Variants in ROBO2 observed in about 807,000 individuals in gnomAD.
ROBO2 encodes roundabout guidance receptor 2.
A neutral mutation model predicts 160.8 loss-of-function variants in ROBO2; 53 were observed. The ratio of observed to expected loss-of-function variants is 0.33; its 90% CI spans 0.26 to 0.41. ROBO2 has a LOEUF of 0.41. ROBO2 is among the 10% of genes least tolerant of loss of function. The probability of loss-of-function intolerance (pLI) is 1.00; values close to 1 mark genes in which losing one functional copy is unlikely to be tolerated. For missense variants in ROBO2, 1,577 were observed against 1,722.4 expected (o/e 0.92, Z 1.49); for synonymous variants, 664 against 611.7 (o/e 1.09, Z -1.26).
intron 2 of ROBO2, among the ~76,000 whole-genome samples, chr3:77,230,246 C>A (rs2151278608): frequency 6.6e-6 from 1 of 152,172 alleles, no homozygotes; most frequent in Admixed American, 6.6e-5. Flanking sequence ...CACCACCTGG[C>A]TAATTTTGTT....
At chr3:76,951,504 A>G (rs1317256186) in intron 2 of ROBO2, among the ~76,000 whole-genome samples, 1 of 152,228 alleles carries the variant, frequency 6.6e-6, no homozygotes, top group African/African-American at 2.4e-5. Flanking sequence ...GTGAACTCAA[A>G]GTTATGGTGT....
chr3:76,790,961 T>C (rs2063317086), intron 2 of ROBO2, among the ~76,000 whole-genome samples: 1 of 151,764 alleles, frequency 6.6e-6, no homozygotes, highest in Non-Finnish European at 1.5e-5. Flanking sequence ...AGCTTCTACA[T>C]AATAAAGTTG....
intron 2 of ROBO2, among the ~76,000 whole-genome samples, chr3:76,993,848 T>A (rs1330713618): frequency 6.6e-6 from 1 of 151,764 alleles, no homozygotes; most frequent in East Asian, 1.9e-4. Flanking sequence ...TCTATACCCA[T>A]GTAGTACTAT....
intron 16 of ROBO2, among the ~76,000 whole-genome samples, chr3:77,582,864 G>GGC (rs1231580539): frequency 1.3e-5 from 2 of 152,056 alleles, no homozygotes; most frequent in Non-Finnish European, 2.9e-5. Flanking sequence ...TCCCTGGTCA[G>GGC]GCGCAGTGGC....
intron 6 of ROBO2, among the ~76,000 whole-genome samples, chr3:77,541,819 T>C (rs951741793): frequency 6.6e-6 from 1 of 152,222 alleles, no homozygotes; most frequent in Non-Finnish European, 1.5e-5. Context: ...TAGTCTTCTG[T>C]CTCAGAGACA....
chr3:77,368,182 C>T (rs777297802), intron 2 of ROBO2, among the ~76,000 whole-genome samples: 1 of 151,992 alleles, frequency 6.6e-6, no homozygotes, highest in Non-Finnish European at 1.5e-5. Context: ...ATTCTTTATG[C>T]TTTGTCTGTA....
intron 2 of ROBO2, among the ~76,000 whole-genome samples, chr3:76,141,808 G>T (rs545784483): frequency 8.6e-5 from 13 of 151,996 alleles, no homozygotes; most frequent in African/African-American, 2.4e-4. Flanking sequence ...AATCAAAGAG[G>T]TCAATGTTAA....
intron 21 of ROBO2, among the ~76,000 whole-genome samples, chr3:77,614,854 C>T (rs765297545): frequency 1.3e-5 from 2 of 152,182 alleles, no homozygotes; most frequent in Non-Finnish European, 2.9e-5. Flanking sequence ...AGTGACCAGC[C>T]TATCCCTAAC....
chr3:77,360,405 G>T (rs1206361449), intron 2 of ROBO2, among the ~76,000 whole-genome samples: 2 of 152,190 alleles, frequency 1.3e-5, no homozygotes, highest in East Asian at 1.9e-4. Flanking sequence ...GAGAGGAAAG[G>T]TGGGAGTAGG....
chr3:76,216,495 A>G (rs7653422), intron 2 of ROBO2, among the ~76,000 whole-genome samples: 148,813 of 152,250 alleles, frequency 0.98, 72,814 homozygotes, highest in South Asian at 1. Flanking sequence ...ACAGAAAAAG[A>G]CATGGGTTGC....
intron 2 of ROBO2, among the ~76,000 whole-genome samples, chr3:75,964,277 T>TA (rs967762403): frequency 5.9e-5 from 9 of 151,646 alleles, no homozygotes; most frequent in East Asian, 2.0e-4. Flanking sequence ...GCAGAATGTG[T>TA]AAAAAAAATC....
intron 2 of ROBO2, among the ~76,000 whole-genome samples, chr3:77,440,489 A>C (rs115632957): frequency 6.6e-6 from 1 of 152,184 alleles, no homozygotes; most frequent in Non-Finnish European, 1.5e-5. Context: ...TGAGCTGTGC[A>C]TATGGCTTTA....
chr3:77,436,792 C>A, intron 2 of ROBO2, among the ~76,000 whole-genome samples: 1 of 151,644 alleles, frequency 6.6e-6, no homozygotes, highest in African/African-American at 2.4e-5. Flanking sequence ...GTTTTTAAAA[C>A]CAATTTGAAG....
intron 2 of ROBO2, among the ~76,000 whole-genome samples, chr3:77,302,207 G>T (rs1055756715): frequency 6.6e-6 from 1 of 151,780 alleles, no homozygotes; most frequent in African/African-American, 2.4e-5. Flanking sequence ...CTCCCAAAGT[G>T]CTGGGATTAC....
In ROBO2 at chr3:76,181,258, T is replaced by C. The variant is rs543285483; in HGVS notation, c.109+243656T>C. Among the ~76,000 whole-genome samples, 117 of 152,286 alleles carry C rather than the reference T, an allele frequency of 7.7e-4. 1 individual carries two copies. Among genetic ancestry groups the C allele is most frequent in the African/African-American group, 2.7e-3 (111 of 41,588 alleles). ...AACAAAAAGTCAAAAAAGAGAATTA[T>C]ACACTAAGTTTTGTAAGAAATAAAG... On this transcript the variant is annotated intron_variant, in intron 2 of 26. Transcript: ENST00000487694.
chr3:76,301,003 C>T (rs906165442), intron 2 of ROBO2, among the ~76,000 whole-genome samples: 2 of 151,906 alleles, frequency 1.3e-5, no homozygotes, highest in Non-Finnish European at 2.9e-5. Flanking sequence ...TGAACAGCTG[C>T]CAGATGATTT....
rs148695791 is a variant in ROBO2, at chr3:76,285,406, A to T, written c.109+347804A>T. On this transcript the variant is annotated intron_variant, in intron 2 of 26. Coordinates refer to the ROBO2 transcript ENST00000487694. The stretch of plus-strand genomic sequence containing the variant: ...AATTTTACTTTTATGTATGTCTAGG[A>T]ATAAGAGCATATCAAAACTCTTGAT... Among the ~76,000 whole-genome samples, 558 of 152,262 alleles carry T rather than the reference A, an allele frequency of 3.7e-3. 4 individuals are homozygous for T. The highest frequency in any genetic ancestry group is 0.013 in the African/African-American group (528 of 41,580).
At chr3:77,226,451 T>C (rs928259856) in intron 2 of ROBO2, among the ~76,000 whole-genome samples, 2 of 152,040 alleles carry the variant, frequency 1.3e-5, no homozygotes, top group African/African-American at 4.8e-5. Context: ...TCATTACACC[T>C]ACATGGCTTA....
At chr3:77,354,544 T>C (rs1001502025) in intron 2 of ROBO2, among the ~76,000 whole-genome samples, 4 of 152,172 alleles carry the variant, frequency 2.6e-5, no homozygotes, top group Non-Finnish European at 5.9e-5. Context: ...GGCCTAGTCT[T>C]AGATGAAGAA....
Sources: gnomAD v4.1 joint callset for allele counts (sites outside exome capture counted in the v4.1 genomes callset) on GRCh38, gnomAD v4.1.1 for gene constraint, MANE v1.5 for transcripts, NCBI Gene and HGNC (gene_info 2026-07-23, HGNC 2026-07-21) for gene names.